MBOAT2: variants seen among roughly 807,000 people sequenced by gnomAD.
The protein encoded by MBOAT2 is membrane-bound glycerophospholipid O-acyltransferase 2.
A neutral mutation model predicts 63.4 loss-of-function variants in MBOAT2; 28 were observed. That is an observed-to-expected ratio of 0.44 (90% CI 0.33 to 0.61). The LOEUF (loss-of-function observed/expected upper bound fraction) is 0.61, where lower values mean the gene tolerates loss of function less well. MBOAT2 is among the 20% of genes least tolerant of loss of function. MBOAT2 has a pLI of 0.03. For synonymous variants in MBOAT2, 211 were observed against 215.6 expected (o/e 0.98, Z 0.19); for missense variants, 470 against 605.8 (o/e 0.78, Z 2.35).
chr2:8,937,518 G>A (rs1667752193), intron 3 of MBOAT2, among the ~76,000 whole-genome samples: 1 of 152,152 alleles, frequency 6.6e-6, no homozygotes, highest in Admixed American at 6.5e-5. Context: ...TGAAGGAAAG[G>A]AACACAATTC....
intron 3 of MBOAT2, among the ~76,000 whole-genome samples, chr2:8,928,909 TC>T (rs1343425285): frequency 6.6e-6 from 1 of 152,158 alleles, no homozygotes; most frequent in East Asian, 1.9e-4. Flanking sequence ...TAAAAAGATC[TC>T]AGGGACTCTC....
At chr2:8,957,180 G>T (rs1337881839) in intron 2 of MBOAT2, among the ~76,000 whole-genome samples, 1 of 152,174 alleles carries the variant, frequency 6.6e-6, no homozygotes, top group Non-Finnish European at 1.5e-5. Context: ...GGGCATATGA[G>T]GGCTCACTAT....
intron 1 of MBOAT2, among the ~76,000 whole-genome samples, chr2:8,963,074 CA>C (rs1232662411): frequency 6.6e-6 from 1 of 151,712 alleles, no homozygotes; most frequent in East Asian, 2.0e-4. Context: ...CCCATCTCTA[CA>C]AAAAAATACA....
rs886579669 is a variant in MBOAT2, at chr2:8,871,002, A to AT, written c.883+2105dup. Among the ~76,000 whole-genome samples, 438 of 149,492 alleles carry AT rather than the reference A, an allele frequency of 2.9e-3. 2 individuals are homozygous for AT. Among genetic ancestry groups the AT allele is most frequent in the East Asian group, 0.017 (89 of 5,106 alleles). ...AAAAAATTAATGATAAATTTGGTTG[A>AT]TTTTTTTTTTGAGGCAGGGTCTCAC... On this transcript the variant is annotated intron_variant, in intron 8 of 12. Coordinates refer to ENST00000305997, the MANE Select transcript of MBOAT2 (RefSeq NM_138799.4).
At chr2:8,909,964 T>C (rs1031305533) in intron 3 of MBOAT2, among the ~76,000 whole-genome samples, 26 of 152,222 alleles carry the variant, frequency 1.7e-4, no homozygotes, top group African/African-American at 4.1e-4. Context: ...CCACCTCTAA[T>C]TGCCCACTTC....
rs1672879073 is a variant in MBOAT2 at position 9,003,644 on chromosome 2, G to GCCGCTCGC, written c.-38_-31dup. The GCCGCTCGC allele has an allele frequency of 8.7e-7, 1 of 1,143,122 alleles. No individual in the cohort carries two copies. Among genetic ancestry groups the GCCGCTCGC allele is most frequent in the Non-Finnish European group, 1.1e-6 (1 of 932,776 alleles). 70.8% of individuals were successfully genotyped at this position (1,143,122 alleles called of 1,614,324 possible). On this transcript the variant is annotated 5_prime_UTR_variant, in exon 1 of 13. Coordinates refer to ENST00000305997, the MANE Select transcript of MBOAT2 (RefSeq NM_138799.4). This position sits in a 1 kb window ranked among gnomAD's most constrained non-coding sequence, Gnocchi z 5.4. Reference sequence around the variant, plus strand: ...GGGCCTCGGCGCTCCGGCCGCCCGCGCCGCTCGCCCGCTCGCGCTGTGCCG... The same window carrying GCCGCTCGC: ...GGGCCTCGGCGCTCCGGCCGCCCGCGCCGCTCGCCCGCTCGCCCGCTCGCGCTGTGCCG...
intron 7 of MBOAT2, among the ~76,000 whole-genome samples, chr2:8,876,281 T>G (rs981100187): frequency 3.3e-5 from 5 of 152,224 alleles, no homozygotes; most frequent in Admixed American, 6.5e-5. Context: ...ATTGCACTGG[T>G]TTGAATTCCA....
At chr2:8,973,100 CAA>C (rs2103315012) in intron 1 of MBOAT2, among the ~76,000 whole-genome samples, 1 of 152,194 alleles carries the variant, frequency 6.6e-6, no homozygotes, top group East Asian at 1.9e-4. Flanking sequence ...TTCACAATAG[CAA>C]AGACTTGGAA....
chr2:8,896,933 A>AT (rs1664525476), intron 4 of MBOAT2, among the ~76,000 whole-genome samples: 1 of 152,162 alleles, frequency 6.6e-6, no homozygotes, highest in Non-Finnish European at 1.5e-5. Flanking sequence ...TGGGTTAAGG[A>AT]TTTTTGATAG....
chr2:8,941,056 C>T (rs1668016512), intron 3 of MBOAT2, among the ~76,000 whole-genome samples: 1 of 148,394 alleles, frequency 6.7e-6, no homozygotes, highest in African/African-American at 2.5e-5. Flanking sequence ...ATTATAAAGG[C>T]CTAAGCAGAA....
At chr2:8,922,415 A>G (rs1666643456) in intron 3 of MBOAT2, among the ~76,000 whole-genome samples, 1 of 152,218 alleles carries the variant, frequency 6.6e-6, no homozygotes, top group Admixed American at 6.5e-5. Flanking sequence ...TAGATAATAC[A>G]TGACAGTAAC....
Position 8,858,911 on chromosome 2 carries a change from G to A in MBOAT2, c.1338-7C>T, listed in dbSNP as rs1488499086. ...CAGGCAATAATACCAGGAGCTAAAA[G>A]AAAAAGGGAAAAAGTTTATTAAAAC... On this transcript the variant is annotated splice_region_variant and splice_polypyrimidine_tract_variant and intron_variant, in intron 12 of 12. Coordinates refer to ENST00000305997, the MANE Select transcript of MBOAT2 (RefSeq NM_138799.4). The A allele has an allele frequency of 1.9e-6, 3 of 1,567,356 alleles. No homozygotes were observed. Among genetic ancestry groups the A allele is most frequent in the South Asian group, 2.3e-5 (2 of 86,390 alleles).
At chr2:8,900,696 G>T (rs1191612266) in intron 4 of MBOAT2, among the ~76,000 whole-genome samples, 1 of 152,132 alleles carries the variant, frequency 6.6e-6, no homozygotes, top group Non-Finnish European at 1.5e-5. Context: ...AAGCTGAAAG[G>T]TCCTCCTGTG....
intron 3 of MBOAT2, among the ~76,000 whole-genome samples, chr2:8,916,731 G>A (rs1666210872): frequency 6.6e-6 from 1 of 152,216 alleles, no homozygotes; most frequent in African/African-American, 2.4e-5. Context: ...GACGGCTTTG[G>A]TTGTAGCCCA....
rs558783930 is a variant in MBOAT2, at chr2:8,865,796, G to A, written c.988-1562C>T. ...TCATGCCAGTAATCCCAGCCCTTTG[G>A]GAGGCCGAGGTGGGTAGATCGCCTG... On this transcript the variant is annotated intron_variant, in intron 9 of 12. Transcript: ENST00000305997. Among the ~76,000 whole-genome samples, 10 of 152,304 alleles carry A rather than the reference G, an allele frequency of 6.6e-5. No individual in the cohort carries two copies. The East Asian group carries it at 1.9e-3, about 29-fold the overall frequency.
At chr2:8,943,681 C>A (rs1668210763) in intron 2 of MBOAT2, among the ~76,000 whole-genome samples, 1 of 152,174 alleles carries the variant, frequency 6.6e-6, no homozygotes, top group East Asian at 1.9e-4. Flanking sequence ...TGTACTCTGC[C>A]TTTACCTTTT....
At chr2:8,870,943 C>G (rs570941812) in intron 8 of MBOAT2, among the ~76,000 whole-genome samples, 24 of 151,932 alleles carry the variant, frequency 1.6e-4, no homozygotes, top group African/African-American at 4.1e-4. Flanking sequence ...TCAGAAGTAC[C>G]CTAAGAATCA....
chr2:8,888,177 T>G (rs1663704210), intron 4 of MBOAT2, 104 bp from the exon 5 acceptor site: 1 of 1,096,064 alleles, frequency 9.1e-7, no homozygotes. Context: ...CTACAAATCC[T>G]GAAATTTTTA....
chr2:9,002,040 A>C (rs1029439495), intron 1 of MBOAT2, among the ~76,000 whole-genome samples: 3 of 151,456 alleles, frequency 2.0e-5, no homozygotes, highest in Admixed American at 1.3e-4. Context: ...GATATGCTAA[A>C]AGGTCATACA....
Sources: gnomAD v4.1 joint callset for allele counts (sites outside exome capture counted in the v4.1 genomes callset) on GRCh38, gnomAD v4.1.1 for gene constraint, Gnocchi (gnomAD v3.1) non-coding constraint, MANE v1.5 for transcripts, NCBI Gene and HGNC (gene_info 2026-07-23, HGNC 2026-07-21) for gene names.